Variants in PRUNE2 observed in about 807,000 individuals in gnomAD.
PRUNE2 encodes prune homolog 2 with BCH domain.
In PRUNE2, 164 loss-of-function variants were observed where a neutral mutation model predicts 252.0. That is an observed-to-expected ratio of 0.65 (90% CI 0.57 to 0.74). The LOEUF (loss-of-function observed/expected upper bound fraction) is 0.74, where lower values mean the gene tolerates loss of function less well. Ranked by LOEUF, PRUNE2 falls within the 30% of genes least tolerant of loss-of-function variation. PRUNE2 has a pLI of 0.00. For synonymous variants in PRUNE2, 1,292 were observed against 1,350.2 expected (o/e 0.96, Z 0.94); for missense variants, 3,495 against 3,711.0 (o/e 0.94, Z 1.51).
At chr9:76,807,230 TA>T (rs56229301) in intron 6 of PRUNE2, among the ~76,000 whole-genome samples, 2,148 of 145,690 alleles carry the variant, frequency 0.015, 20 homozygotes, top group African/African-American at 0.026. Flanking sequence ...CTGGCTAATT[TA>T]AAAAAAAAAA....
At position 76,707,521 on chromosome 9, in the gene PRUNE2, C is replaced by T. The variant is rs1445636162; in HGVS notation, c.4753G>A (p.Glu1585Lys). ...ACTTGGCCATCAGTGGTAATTAGTTCAGATTCTTGGTGATTCTGTTCACTC... is the reference window on the plus strand; with the variant it reads ...ACTTGGCCATCAGTGGTAATTAGTTTAGATTCTTGGTGATTCTGTTCACTC... The part of the protein sequence containing the change: ...NWSEQNHQES[E>K]LITTDGQVEI... Residue 1585 changes from glutamate to lysine, a missense_variant, in exon 8 of 19, where the codon GAA becomes AAA. Glu to Lys is a moderately conservative substitution (Grantham distance 56). Transcript: ENST00000376718. The T allele has an allele frequency of 3.7e-6, 6 of 1,613,950 alleles. No individual in the cohort carries two copies. Among genetic ancestry groups the T allele is most frequent in the Non-Finnish European group, 5.1e-6 (6 of 1,179,868 alleles).
chr9:76,617,423 T>A (rs1309859334), intron 18 of PRUNE2, among the ~76,000 whole-genome samples: 1 of 152,040 alleles, frequency 6.6e-6, no homozygotes, highest in South Asian at 2.1e-4. Context: ...CCTCTGTCCT[T>A]GATGGCCTAC....
intron 2 of PRUNE2, among the ~76,000 whole-genome samples, chr9:76,851,871 T>A (rs2059980105): frequency 6.6e-6 from 1 of 152,180 alleles, no homozygotes; most frequent in Non-Finnish European, 1.5e-5. Flanking sequence ...ACGGGAATGT[T>A]AAAAATAAAG....
chr9:76,762,545 G>A (rs1378507415), intron 6 of PRUNE2, among the ~76,000 whole-genome samples: 1 of 152,142 alleles, frequency 6.6e-6, no homozygotes, highest in Non-Finnish European at 1.5e-5. Context: ...TGAGAGAGGT[G>A]GTGAGATACT....
chr9:76,784,423 A>G (rs2054758489), intron 6 of PRUNE2: 1 of 152,192 alleles, frequency 6.6e-6, no homozygotes, highest in African/African-American at 2.4e-5. Flanking sequence ...GGAGATAACC[A>G]CGGGGCAGAG....
rs1461771594 is a variant in PRUNE2, at chr9:76,710,620, T to C, written c.1654A>G (p.Ser552Gly). 6.2e-7 allele frequency: 1 copy of C among 1,613,368 alleles called. No individual in the cohort carries two copies. Among genetic ancestry groups the C allele is most frequent in the Non-Finnish European group, 8.5e-7 (1 of 1,179,688 alleles). Residue 552 changes from serine to glycine, a missense_variant, in exon 8 of 19, where the codon AGT (serine) becomes GGT (glycine). By Grantham distance (56) the Ser-to-Gly change is moderately conservative. Coordinates refer to ENST00000376718, the MANE Select transcript of PRUNE2 (RefSeq NM_015225.3). ...MGTNMSNYSSSSLLSGAGKDS... is the reference protein window; with the variant it reads ...MGTNMSNYSSGSLLSGAGKDS... Reference sequence around the variant, plus strand: ...TTGCCAGCCCCTGACAAAAGTGAACTGGATGAATAATTAGACATGTTGGTT... The same window carrying C: ...TTGCCAGCCCCTGACAAAAGTGAACCGGATGAATAATTAGACATGTTGGTT...
rs77330749 is a variant in PRUNE2, at chr9:76,878,322, G to A, written c.37-24114C>T. Among the ~76,000 whole-genome samples, 108 of 152,324 alleles carry A rather than the reference G, an allele frequency of 7.1e-4. 1 individual carries two copies. In the East Asian group the frequency reaches 0.016, roughly 23 times the overall value. ...AAGGTGGGAATTCTTTGTAGGCAGG[G>A]AGGGTGTCATGAGCAAGAAGGTGAA... On this transcript the variant is annotated intron_variant, in intron 1 of 18. Transcript: ENST00000376718.
chr9:76,703,222 T>C (rs1014765600), intron 9 of PRUNE2, 115 bp downstream of exon 9: 3 of 860,486 alleles, frequency 3.5e-6, no homozygotes, highest in Non-Finnish European at 5.2e-6. Flanking sequence ...GCATTCAATA[T>C]AAGCAAAGCT....
intron 9 of PRUNE2, among the ~76,000 whole-genome samples, chr9:76,663,103 A>T (rs935637386): frequency 6.6e-6 from 1 of 152,220 alleles, no homozygotes; most frequent in Non-Finnish European, 1.5e-5. Context: ...CAGAGTACTT[A>T]TCAAATTACT....
intron 1 of PRUNE2, among the ~76,000 whole-genome samples, chr9:76,855,782 C>A (rs933230187): frequency 6.6e-6 from 1 of 151,868 alleles, no homozygotes; most frequent in Non-Finnish European, 1.5e-5. Flanking sequence ...AATTACAATC[C>A]CCTCCCTTGT....
At chr9:76,671,180 G>A (rs1067432) in intron 9 of PRUNE2, among the ~76,000 whole-genome samples, 129,750 of 141,050 alleles carry the variant, frequency 0.92, 60,357 homozygotes, top group Non-Finnish European at 0.99. Context: ...ATGTATAACT[G>A]GAATAACCAA....
intron 3 of PRUNE2, among the ~76,000 whole-genome samples, chr9:76,847,283 G>A (rs1048233062): frequency 6.6e-6 from 1 of 151,022 alleles, no homozygotes; most frequent in African/African-American, 2.4e-5. Flanking sequence ...CCAAGACCGT[G>A]CCACTGCACT....
chr9:76,814,769 T>C (rs1350654480), intron 6 of PRUNE2, among the ~76,000 whole-genome samples: 1 of 152,196 alleles, frequency 6.6e-6, no homozygotes, highest in African/African-American at 2.4e-5. Flanking sequence ...TGGTTATGAA[T>C]AATATATGTC....
chr9:76,675,780 T>C (rs938969186), intron 9 of PRUNE2, among the ~76,000 whole-genome samples: 8 of 126,750 alleles, frequency 6.3e-5, no homozygotes, highest in African/African-American at 2.0e-4. Context: ...ATGGATGAAA[T>C]TGGAAACCAT....
At chr9:76,871,344 T>C (rs576053189) in intron 1 of PRUNE2, among the ~76,000 whole-genome samples, 1 of 152,382 alleles carries the variant, frequency 6.6e-6, no homozygotes, top group East Asian at 1.9e-4. Flanking sequence ...GATGATTTAA[T>C]GTATACAGGA....
chr9:76,880,302 A>G (rs1007911579), intron 1 of PRUNE2, among the ~76,000 whole-genome samples: 1 of 152,174 alleles, frequency 6.6e-6, no homozygotes, highest in African/African-American at 2.4e-5. Context: ...AAAGTCCTTC[A>G]TTTGTGGTCC....
At chr9:76,665,484 C>T (rs1161781297) in intron 9 of PRUNE2, among the ~76,000 whole-genome samples, 4 of 152,156 alleles carry the variant, frequency 2.6e-5, no homozygotes, top group Admixed American at 1.3e-4. Flanking sequence ...GCTTACCTCA[C>T]GTGGATGCTG....
intron 6 of PRUNE2, among the ~76,000 whole-genome samples, chr9:76,820,690 C>T (rs961124939): frequency 6.6e-6 from 1 of 152,186 alleles, no homozygotes; most frequent in Non-Finnish European, 1.5e-5. Context: ...AAGCCTCCCA[C>T]TCCGTTTTTG....
At chr9:76,871,121 G>A (rs893723088) in intron 1 of PRUNE2, among the ~76,000 whole-genome samples, 5 of 152,158 alleles carry the variant, frequency 3.3e-5, no homozygotes, top group Non-Finnish European at 2.9e-5. Context: ...CAAAGCCTGT[G>A]CATTTAAGGA....
Sources: gnomAD v4.1 joint callset for allele counts (sites outside exome capture counted in the v4.1 genomes callset) on GRCh38, gnomAD v4.1.1 for gene constraint, MANE v1.5 for transcripts, NCBI Gene and HGNC (gene_info 2026-07-23, HGNC 2026-07-21) for gene names.